Variants in RUNX2 observed in about 807,000 individuals in gnomAD.
RUNX2 encodes the protein RUNX family transcription factor 2, also known as runt-related transcription factor 2.
Under a neutral mutation model 51.7 loss-of-function variants are expected in RUNX2, and 10 were observed. The observed-to-expected ratio is 0.19, with a 90% CI of 0.12 to 0.33. RUNX2 has a LOEUF of 0.33. Among genes scored for constraint, RUNX2 ranks in the 10% least tolerant of loss-of-function variants. The pLI is 1.00. For synonymous variants in RUNX2, 276 were observed against 273.6 expected (o/e 1.01, Z -0.09); for missense variants, 562 against 691.3 (o/e 0.81, Z 2.10).
intron 7 of RUNX2, chr6:45,513,662 G>A (rs887084233): frequency 2.0e-5 from 3 of 152,146 alleles, no homozygotes; most frequent in Admixed American, 6.5e-5. Context: ...GGGTGAGTAG[G>A]GAAAGAAGAG....
intron 2 of RUNX2, among the ~76,000 whole-genome samples, chr6:45,355,909 TC>T (rs568646084): frequency 6.6e-6 from 1 of 151,774 alleles, no homozygotes; most frequent in Non-Finnish European, 1.5e-5. Flanking sequence ...AAATTTAATT[TC>T]CCCCCCTTTC....
At position 45,512,607 on chromosome 6, in the gene RUNX2, C is replaced by T. The variant is rs73737448; in HGVS notation, c.1021+200C>T. On this transcript the variant is annotated intron_variant, in intron 7 of 8. Coordinates refer to ENST00000647337, the MANE Select transcript of RUNX2 (RefSeq NM_001024630.4). ...CATTTTAAGTCAAGAGACTGAAAAT[C>T]CGCTAGAGATGGCATACTTTTAACA... 3.3e-3 allele frequency among the ~76,000 whole-genome samples: 501 copies of T among 152,262 alleles called. 2 individuals carry two copies. Among genetic ancestry groups the T allele is most frequent in the African/African-American group, 0.011 (443 of 41,552 alleles).
rs1360080063 is a variant in RUNX2, at chr6:45,512,406, A to G, written c.1020A>G (p.Ser340=). 1.2e-6 allele frequency: 2 copies of G among 1,613,898 alleles called. No individual in the cohort carries two copies. Among genetic ancestry groups the G allele is most frequent in the South Asian group, 1.1e-5 (1 of 91,072 alleles). ...PAITDVPRRI[S]DDDTATSDFC... Reference sequence around the variant, plus strand: ...TCACCGATGTGCCTAGGCGCATTTCAGGTAAAGACCGTGCTTTAACTAAAA... The same window carrying G: ...TCACCGATGTGCCTAGGCGCATTTCGGGTAAAGACCGTGCTTTAACTAAAA... The change falls in exon 7 of 9, where the codon TCA becomes TCG. Residue 340 remains serine (S), a splice_region_variant and synonymous_variant. Transcript: ENST00000647337.
chr6:45,491,567 G>A (rs1175009225), intron 5 of RUNX2, among the ~76,000 whole-genome samples: 1 of 151,448 alleles, frequency 6.6e-6, no homozygotes, highest in African/African-American at 2.4e-5. Flanking sequence ...CTTTCAGAGG[G>A]GATTTCCTCC....
At position 45,547,353 on chromosome 6, in the gene RUNX2, G is replaced by A. The variant is rs769454803; in HGVS notation, c.*48G>A. ...GGTATCTGGGGGCCACATCCCACAC[G>A]TATCAATATATACATATATAGAGAG... On this transcript the variant is annotated 3_prime_UTR_variant, in exon 9 of 9. Coordinates refer to ENST00000647337, the MANE Select transcript of RUNX2 (RefSeq NM_001024630.4). The A allele has an allele frequency of 1.9e-5, 26 of 1,342,768 alleles. No homozygotes were observed. In the African/African-American group the frequency reaches 2.2e-4, roughly 11 times the overall value. 83.2% of individuals were successfully genotyped at this position (1,342,768 alleles called of 1,614,324 possible).
chr6:45,417,332 C>A (rs1458468595), intron 2 of RUNX2, among the ~76,000 whole-genome samples: 1 of 152,030 alleles, frequency 6.6e-6, no homozygotes, highest in Non-Finnish European at 1.5e-5. Flanking sequence ...ATTTTAAGGA[C>A]AATGGAAAAT....
At chr6:45,532,525 G>C (rs1801892399) in intron 7 of RUNX2, among the ~76,000 whole-genome samples, 1 of 151,968 alleles carries the variant, frequency 6.6e-6, no homozygotes, top group African/African-American at 2.4e-5. Flanking sequence ...ATTTTATCCT[G>C]CTACTCTTCT....
At chr6:45,486,601 T>C (rs140233298) in intron 5 of RUNX2, among the ~76,000 whole-genome samples, 223 of 152,346 alleles carry the variant, frequency 1.5e-3, no homozygotes, top group African/African-American at 5.0e-3. Context: ...GCAAAATGAT[T>C]CTGCTGTGCC....
intron 7 of RUNX2, among the ~76,000 whole-genome samples, chr6:45,519,767 G>T (rs937312459): frequency 1.4e-5 from 2 of 146,078 alleles, no homozygotes; most frequent in Non-Finnish European, 3.0e-5. Flanking sequence ...CCATTGGAAG[G>T]ATGCTATTAT....
chr6:45,407,252 T>G (rs1563072469), intron 2 of RUNX2, among the ~76,000 whole-genome samples: 1 of 152,028 alleles, frequency 6.6e-6, no homozygotes, highest in Non-Finnish European at 1.5e-5. Context: ...CACAGGCATG[T>G]ACCACCAGGC....
At chr6:45,345,581 T>C (rs953180822) in intron 2 of RUNX2, among the ~76,000 whole-genome samples, 14 of 152,144 alleles carry the variant, frequency 9.2e-5, no homozygotes, top group African/African-American at 3.4e-4. Context: ...AATTCTCTAA[T>C]CTCATAAATC....
At chr6:45,430,352 C>T (rs1438465646) in intron 3 of RUNX2, among the ~76,000 whole-genome samples, 1 of 151,956 alleles carries the variant, frequency 6.6e-6, no homozygotes, top group African/African-American at 2.4e-5. Flanking sequence ...GAAAGTGGGG[C>T]CTGTAATTTA....
At chr6:45,431,784 C>T (rs1217692639) in intron 3 of RUNX2, 79 bp from the exon 4 acceptor site, 7 of 1,495,556 alleles carry the variant, frequency 4.7e-6, no homozygotes, top group Non-Finnish European at 6.5e-6. Context: ...TAAGACACAT[C>T]ATTTGCAATG....
chr6:45,351,319 T>C (rs1276182283), intron 2 of RUNX2, among the ~76,000 whole-genome samples: 1 of 152,052 alleles, frequency 6.6e-6, no homozygotes, highest in Non-Finnish European at 1.5e-5. Context: ...CACAACTTCC[T>C]ATGCATTCTA....
chr6:45,334,340 T>G (rs1788109018), intron 2 of RUNX2, among the ~76,000 whole-genome samples: 1 of 149,518 alleles, frequency 6.7e-6, no homozygotes, highest in Non-Finnish European at 1.5e-5. Context: ...CTCAAGAACT[T>G]AAATACACAT....
intron 5 of RUNX2, among the ~76,000 whole-genome samples, chr6:45,487,485 G>A (rs375199727): frequency 6.6e-6 from 1 of 152,116 alleles, no homozygotes; most frequent in Non-Finnish European, 1.5e-5. Context: ...AGTGAATAGG[G>A]TTTTCCAGAA....
intron 2 of RUNX2, among the ~76,000 whole-genome samples, chr6:45,396,316 G>A (rs779303814): frequency 2.6e-5 from 4 of 151,660 alleles, no homozygotes; most frequent in Non-Finnish European, 4.4e-5. Context: ...TAATTCAATG[G>A]CTTTAGTACA....
chr6:45,394,610 C>T (rs1418026456), intron 2 of RUNX2, among the ~76,000 whole-genome samples: 1 of 152,120 alleles, frequency 6.6e-6, no homozygotes, highest in Non-Finnish European at 1.5e-5. Flanking sequence ...GAGCCTGGCT[C>T]CCTGGGCTGT....
chr6:45,422,484 CGTCTCGCCTT>C, intron 2 of RUNX2, 99 bp from the exon 3 acceptor site: 1 of 594,002 alleles, frequency 1.7e-6, no homozygotes, highest in Non-Finnish European at 2.7e-6. Context: ...TCTTTCCCCC[CGTCTCGCCTT>C]CACCCCCCCA....
Sources: allele counts gnomAD v4.1 joint callset (sites outside exome capture counted in the v4.1 genomes callset), GRCh38; gene constraint gnomAD v4.1.1; transcripts MANE v1.5; gene names NCBI Gene and HGNC (gene_info 2026-07-23, HGNC 2026-07-21).